MEI1: variants seen among roughly 807,000 people sequenced by gnomAD.
The protein encoded by MEI1 is meiosis inhibitor protein 1.
In MEI1, 103 loss-of-function variants were observed where a neutral mutation model predicts 146.2. That is an observed-to-expected ratio of 0.70 (90% CI 0.60 to 0.83). The LOEUF (loss-of-function observed/expected upper bound fraction) is 0.83, where lower values mean the gene tolerates loss of function less well. Ranked by LOEUF, MEI1 falls within the 40% of genes least tolerant of loss-of-function variation. The pLI is 0.00. For missense variants in MEI1, 1,529 were observed against 1,533.0 expected (o/e 1.00, Z 0.04); for synonymous variants, 652 against 628.2 (o/e 1.04, Z -0.57).
intron 2 of MEI1, 71 bp downstream of exon 2, chr22:41,703,525 GA>G: frequency 3.0e-6 from 4 of 1,344,924 alleles, no homozygotes; most frequent in South Asian, 1.7e-5. Flanking sequence ...GGGGCTCTTG[GA>G]AAAATGATCT....
intron 15 of MEI1, among the ~76,000 whole-genome samples, chr22:41,749,919 G>A (rs1353421065): frequency 6.6e-6 from 1 of 152,152 alleles, no homozygotes; most frequent in African/African-American, 2.4e-5. Context: ...AGAGGGTATG[G>A]TCAGTTTGGG....
At chr22:41,765,883 CTTTTTTT>C (rs1013045266) in intron 19 of MEI1, among the ~76,000 whole-genome samples, 2 of 86,134 alleles carry the variant, frequency 2.3e-5, no homozygotes, top group African/African-American at 9.4e-5. Flanking sequence ...CCAAAATGTT[CTTTTTTT>C]TTTTTTTTTT....
intron 11 of MEI1, among the ~76,000 whole-genome samples, chr22:41,734,889 G>A (rs1176621036): frequency 4.0e-5 from 6 of 151,802 alleles, no homozygotes; most frequent in Admixed American, 3.3e-4. Context: ...CACCTGTGTC[G>A]GCTTCCCAAA....
chr22:41,794,253 T>G, intron 27 of MEI1, 118 bp from the exon 28 acceptor site: 1 of 848,542 alleles, frequency 1.2e-6, no homozygotes, highest in South Asian at 1.6e-5. Context: ...TGGGTCAGCT[T>G]GTTCAGTGCC....
intron 7 of MEI1, among the ~76,000 whole-genome samples, chr22:41,728,602 A>C (rs974525796): frequency 3.9e-5 from 6 of 152,196 alleles, no homozygotes; most frequent in African/African-American, 1.4e-4. Flanking sequence ...ATGGTGGCTC[A>C]TGCTGTAATC....
chr22:41,765,629 A>C (rs1234295018), intron 19 of MEI1, among the ~76,000 whole-genome samples: 1 of 152,086 alleles, frequency 6.6e-6, no homozygotes, highest in Non-Finnish European at 1.5e-5. Flanking sequence ...AGATTCACCA[A>C]TTTTTATTTT....
At position 41,718,200 on chromosome 22, in the gene MEI1, G is replaced by T. The variant is rs746781067; in HGVS notation, c.659G>T (p.Arg220Leu). ...GCTGAGATGCTTTCAGGACACTTCC[G>T]TGAGAAGCTTTTTCCCCTCTTCCTT... ...VAAEMLSGHF[R>L]EKLFPLFLSI... The change falls in exon 6 of 31, where the codon CGT (arginine) becomes CTT (leucine). Residue 220 changes from arginine to leucine, a missense_variant. Around this residue, in one of 3 missense-constraint regions of MEI1, gnomAD observed 1,212 missense variants for 1,178.9 expected, o/e 1.03. Coordinates refer to ENST00000401548, the MANE Select transcript of MEI1 (RefSeq NM_152513.4). The T allele has an allele frequency of 3.1e-6, 5 of 1,613,952 alleles. No individual in the cohort carries two copies. The Admixed American group carries it at 8.3e-5, about 27-fold the overall frequency.
chr22:41,713,619 G>A (rs2069812925), intron 3 of MEI1, among the ~76,000 whole-genome samples: 1 of 152,152 alleles, frequency 6.6e-6, no homozygotes, highest in Non-Finnish European at 1.5e-5. Flanking sequence ...CACGATCTTG[G>A]CTCACTACAA....
rs1338482920 is a variant in MEI1, at chr22:41,781,376, C to A, written c.2908C>A (p.Pro970Thr). ...GTATTGGAGCCTTCATCAGACCACA[C>A]CCAGCAGTCAGAAAAGAGGTGCAGG... is the stretch of plus-strand genomic sequence containing the variant. ...FLYWSLHQTTPSSQKRAAAVL... is the reference protein window; with the variant it reads ...FLYWSLHQTTTSSQKRAAAVL... Residue 970 changes from proline (P) to threonine (T), a missense_variant, in exon 23 of 31, where the codon CCC becomes ACC. By Grantham distance (38) the Pro-to-Thr change is conservative. Transcript: ENST00000401548. The A allele has an allele frequency of 2.5e-6, 4 of 1,613,140 alleles. No individual in the cohort carries two copies. Among genetic ancestry groups the A allele is most frequent in the Non-Finnish European group, 3.4e-6 (4 of 1,179,560 alleles).
In MEI1 at chr22:41,780,576, CT is replaced by C. The variant is rs150215660; in HGVS notation, c.2816-704del. On this transcript the variant is annotated intron_variant, in intron 22 of 30. Transcript: ENST00000401548. ...GATGAACTTTGAGCTGAATTTTTTT[CT>C]TTTCTTTTTTTTTTTTTTTTTGAGA... Among the ~76,000 whole-genome samples, 74 of 121,494 alleles carry C rather than the reference CT, an allele frequency of 6.1e-4. 2 individuals carry two copies. The highest frequency in any genetic ancestry group is 8.5e-3 in the Middle Eastern group (2 of 236). 79.7% of individuals were successfully genotyped at this position (121,494 alleles called of 152,430 possible). A position where few individuals can be genotyped will look rare whatever the true frequency, so the allele number is the denominator to read the frequency against.
chr22:41,710,893 T>C (rs551573807), intron 3 of MEI1, among the ~76,000 whole-genome samples: 14 of 152,286 alleles, frequency 9.2e-5, no homozygotes, highest in African/African-American at 3.1e-4. Context: ...AATTTAGCCT[T>C]GACAAGGGAA....
At chr22:41,750,640 C>G (rs553310724) in intron 15 of MEI1, among the ~76,000 whole-genome samples, 15 of 152,286 alleles carry the variant, frequency 9.8e-5, no homozygotes, top group African/African-American at 2.9e-4. Flanking sequence ...ATTGGAAACA[C>G]TTACCTGATT....
chr22:41,765,147 G>A (rs1007808412), intron 19 of MEI1, among the ~76,000 whole-genome samples: 9 of 152,286 alleles, frequency 5.9e-5, no homozygotes, highest in Admixed American at 2.6e-4. Context: ...TGGGATTACA[G>A]TGGGATTATA....
chr22:41,778,850 G>T (rs1489313397), intron 22 of MEI1, 38 bp downstream of exon 22: 1 of 1,462,430 alleles, frequency 6.8e-7, no homozygotes, highest in South Asian at 1.2e-5. Flanking sequence ...AAGGGCCCAG[G>T]GCTGGACGTG....
intron 18 of MEI1, among the ~76,000 whole-genome samples, chr22:41,760,135 C>T (rs540421273): frequency 6.6e-6 from 1 of 151,816 alleles, no homozygotes; most frequent in Non-Finnish European, 1.5e-5. Flanking sequence ...CGGTGAAACC[C>T]CGTCTCTACT....
chr22:41,749,719 C>T (rs1284128950), intron 15 of MEI1, among the ~76,000 whole-genome samples: 1 of 152,172 alleles, frequency 6.6e-6, no homozygotes, highest in Non-Finnish European at 1.5e-5. Flanking sequence ...GTATCTCAGC[C>T]TCTTGCATTA....
chr22:41,784,209 T>G, intron 24 of MEI1, 130 bp from the exon 25 acceptor site: 1 of 747,950 alleles, frequency 1.3e-6, no homozygotes, highest in Non-Finnish European at 2.2e-6. Flanking sequence ...GGACTCTGTG[T>G]GGCCTCCTCC....
At chr22:41,722,383 G>C (rs968407893) in intron 6 of MEI1, among the ~76,000 whole-genome samples, 3 of 151,668 alleles carry the variant, frequency 2.0e-5, no homozygotes, top group African/African-American at 7.3e-5. Flanking sequence ...CTGCAGCCTC[G>C]AACTCCTGGC....
chr22:41,761,315 T>G (rs1415923385), intron 18 of MEI1, among the ~76,000 whole-genome samples: 1 of 106,200 alleles, frequency 9.4e-6, no homozygotes, highest in Non-Finnish European at 1.8e-5. Flanking sequence ...AGTGTTTTTT[T>G]TTTGTTTTTT....
Sources: gnomAD v4.1 joint callset for allele counts (sites outside exome capture counted in the v4.1 genomes callset) on GRCh38, gnomAD v4.1.1 for gene constraint, gnomAD v4.1.1 regional missense constraint, MANE v1.5 for transcripts, NCBI Gene and HGNC (gene_info 2026-07-23, HGNC 2026-07-21) for gene names.